ARID1A: variants seen among roughly 807,000 people sequenced by gnomAD.
The protein encoded by ARID1A is AT-rich interactive domain-containing protein 1A.
Under a neutral mutation model 212.6 loss-of-function variants are expected in ARID1A, and 20 were observed. The ratio of observed to expected loss-of-function variants is 0.09; its 90% CI spans 0.07 to 0.14. ARID1A has a LOEUF of 0.14. ARID1A is among the 10% of genes least tolerant of loss of function. The probability of loss-of-function intolerance (pLI) is 1.00; values close to 1 mark genes in which losing one functional copy is unlikely to be tolerated. For synonymous variants in ARID1A, 1,376 were observed against 1,222.1 expected, an observed-to-expected ratio of 1.13 and a Z score of -2.63; for missense variants, 2,587 against 3,059.0, an observed-to-expected ratio of 0.85 and a Z score of 3.64.
At position 26,771,464 on chromosome 1, in the gene ARID1A, A is replaced by G. The variant is rs2081082147; in HGVS notation, c.3406+138A>G. On this transcript the variant is annotated intron_variant, in intron 12 of 19. Coordinates refer to ENST00000324856, the MANE Select transcript of ARID1A (RefSeq NM_006015.6). This position sits in a 1 kb window ranked among gnomAD's most constrained non-coding sequence, Gnocchi z 5.4. Reference sequence around the variant, plus strand: ...CTGCCTTGCCCTACCACAGGGCTTAACAGGTTGGCTGACTAGAGAGTGGGC... The same window carrying G: ...CTGCCTTGCCCTACCACAGGGCTTAGCAGGTTGGCTGACTAGAGAGTGGGC... 6.4e-6 allele frequency: 6 copies of G among 938,544 alleles called. No individual in the cohort carries two copies. The highest frequency in any genetic ancestry group is 2.7e-5 in the Admixed American group (1 of 36,722). The allele number at this position is 938,544 out of a possible 1,614,324, so 58.1% of individuals were successfully genotyped here.
chr1:26,717,737 C>A (rs977553236), intron 1 of ARID1A, among the ~76,000 whole-genome samples: 3 of 151,996 alleles, frequency 2.0e-5, no homozygotes, highest in Non-Finnish European at 2.9e-5. Context: ...GTGATACATG[C>A]TTGGGAGAAA....
chr1:26,773,623 G>T lies in ARID1A; in HGVS notation c.3910G>T (p.Ala1304Ser), dbSNP rs2124112862. The T allele has an allele frequency of 1.2e-6, 2 of 1,614,158 alleles. No homozygotes were observed. The highest frequency in any genetic ancestry group is 1.7e-6 in the Non-Finnish European group (2 of 1,180,016). ...GCCTGAGGGAAACATGAGCACTGGG[G>T]CCCCACAGCCGAATCTCATGCCTTC... ...IGPEGNMSTG[A>S]PQPNLMPSNP... The change falls in exon 16 of 20, where the codon GCC becomes TCC. Residue 1304 changes from alanine to serine, a missense_variant. Around this residue, in one of 11 missense-constraint regions of ARID1A, gnomAD observed 890 missense variants for 1,098.2 expected, o/e 0.81. Coordinates refer to ENST00000324856, the MANE Select transcript of ARID1A (RefSeq NM_006015.6).
chr1:26,741,619 A>G (rs1047188706), intron 4 of ARID1A, among the ~76,000 whole-genome samples: 3 of 152,188 alleles, frequency 2.0e-5, no homozygotes, highest in Non-Finnish European at 4.4e-5. Flanking sequence ...AAGGGACGCT[A>G]TACCCTTGGC....
Position 26,731,414 on chromosome 1 carries a change from A to G in ARID1A, c.1613A>G (p.Gln538Arg). The change falls in exon 3 of 20, where the codon CAG becomes CGG. Residue 538 changes from glutamine to arginine, a missense_variant. Physicochemically the swap from Gln to Arg is conservative, Grantham distance 43. Coordinates refer to ENST00000324856, the MANE Select transcript of ARID1A (RefSeq NM_006015.6). ...QQSPAPYPSQ[Q>R]STTQQHPQSQ... Reference sequence around the variant, plus strand: ...TCCCCGGCTCCATACCCCTCCCAGCAGTCGACGACACAGCAGCACCCCCAG... The same window carrying G: ...TCCCCGGCTCCATACCCCTCCCAGCGGTCGACGACACAGCAGCACCCCCAG... 1 of 1,613,762 alleles carries G rather than the reference A, an allele frequency of 6.2e-7. No individual in the cohort carries two copies. Among genetic ancestry groups the G allele is most frequent in the Non-Finnish European group, 8.5e-7 (1 of 1,179,940 alleles).
chr1:26,740,689 A>G (rs1001710472), intron 4 of ARID1A, among the ~76,000 whole-genome samples: 4 of 152,248 alleles, frequency 2.6e-5, no homozygotes, highest in Admixed American at 2.6e-4. Flanking sequence ...CTAATGTTTT[A>G]CAAAAATGAT....
intron 1 of ARID1A, among the ~76,000 whole-genome samples, chr1:26,713,611 C>T (rs1011561182): frequency 5.3e-5 from 8 of 152,134 alleles, no homozygotes; most frequent in East Asian, 3.9e-4. Flanking sequence ...CTGCCTGCCT[C>T]GGCCTCCCAG....
rs572794512 is a variant in ARID1A at position 26,780,763 on chromosome 1, T to C, written c.*7T>C. The C allele has an allele frequency of 1.9e-6, 3 of 1,549,698 alleles. No homozygotes were observed. Among genetic ancestry groups the C allele is most frequent in the Non-Finnish European group, 2.6e-6 (3 of 1,147,676 alleles). On this transcript the variant is annotated 3_prime_UTR_variant, in exon 20 of 20. Coordinates refer to ENST00000324856, the MANE Select transcript of ARID1A (RefSeq NM_006015.6). The surrounding 1 kb of genome is among the most constrained non-coding windows in gnomAD (Gnocchi z 7.2). ...TTTGATTGGCCAGTCATGACAGCCG[T>C]GGGACACCTCCCCCCCCCGTGTGTG...
rs2124107031 is a variant in ARID1A at position 26,772,865 on chromosome 1, C to G, written c.3593C>G (p.Thr1198Arg). ...GCCTTTAATGATGGAAGTGACTCCACATTCCAGAAGCGGAATTCCATGACT... is the reference window on the plus strand; with the variant it reads ...GCCTTTAATGATGGAAGTGACTCCAGATTCCAGAAGCGGAATTCCATGACT... ...QDAFNDGSDS[T>R]FQKRNSMTPN... Residue 1198 changes from threonine (T) to arginine (R), a missense_variant, in exon 14 of 20, where the codon ACA becomes AGA. Physicochemically the swap from Thr to Arg is moderately conservative, Grantham distance 71. Transcript: ENST00000324856. 3 of 1,614,188 alleles carry G rather than the reference C, an allele frequency of 1.9e-6. No individual in the cohort carries two copies. The highest frequency in any genetic ancestry group is 2.5e-6 in the Non-Finnish European group (3 of 1,180,042).
chr1:26,778,914 C>T, intron 19 of ARID1A, 109 bp from the exon 20 acceptor site: 3 of 1,099,218 alleles, frequency 2.7e-6, no homozygotes, highest in Non-Finnish European at 3.8e-6. Flanking sequence ...AGGAGCAACT[C>T]TGCCTCTCCC....
rs1269113929 is a variant in ARID1A at position 26,697,396 on chromosome 1, C to G, written c.993C>G (p.Asp331Glu). Residue 331 changes from aspartate to glutamate, a missense_variant, in exon 1 of 20, where the codon GAC becomes GAG. Around this residue, in one of 11 missense-constraint regions of ARID1A, gnomAD observed 735 missense variants for 590.6 expected, o/e 1.24. Coordinates refer to ENST00000324856, the MANE Select transcript of ARID1A (RefSeq NM_006015.6). ...QDGGAGKGPA[D>E]MASQCWGAAA... is the part of the protein sequence containing the mutation. Reference sequence around the variant, plus strand: ...GGGGCGCCGGCAAGGGCCCGGCGGACATGGCCTCGCAGTGTTGGGGGGCTG... The same window carrying G: ...GGGGCGCCGGCAAGGGCCCGGCGGAGATGGCCTCGCAGTGTTGGGGGGCTG... 1 of 1,328,090 alleles carries G rather than the reference C, an allele frequency of 7.5e-7. No individual in the cohort carries two copies. Among genetic ancestry groups the G allele is most frequent in the Non-Finnish European group, 9.5e-7 (1 of 1,048,184 alleles). 82.3% of individuals were successfully genotyped at this position (1,328,090 alleles called of 1,614,324 possible).
Position 26,774,885 on chromosome 1 carries a change from C to T in ARID1A, c.4658C>T (p.Pro1553Leu), listed in dbSNP as rs2081118985. ...TGGCCTTCCCATGGCACACGCCAGC[C>T]CCCATATGGTCCCTCTGCCCCTGTG... ...GSWPSHGTRQPPYGPSAPVPP... is the reference protein window; with the variant it reads ...GSWPSHGTRQLPYGPSAPVPP... Residue 1553 changes from proline (P) to leucine (L), a missense_variant, in exon 18 of 20, where the codon CCC becomes CTC. Physicochemically the swap from Pro to Leu is moderately conservative, Grantham distance 98. Transcript: ENST00000324856. This position sits in a 1 kb window ranked among gnomAD's most constrained non-coding sequence, Gnocchi z 5.6. The T allele has an allele frequency of 6.3e-7, 1 of 1,583,986 alleles. No individual in the cohort carries two copies. Among genetic ancestry groups the T allele is most frequent in the South Asian group, 1.2e-5 (1 of 86,518 alleles).
chr1:26,772,453 A>C (rs770798234), intron 12 of ARID1A, 47 bp from the exon 13 acceptor site: 1 of 1,613,150 alleles, frequency 6.2e-7, no homozygotes, highest in Non-Finnish European at 8.5e-7. Flanking sequence ...TGAGAGTTAA[A>C]CACTGTCATG....
At position 26,771,073 on chromosome 1, in the gene ARID1A, A is replaced by G. The variant is rs2124096342; in HGVS notation, c.3199-46A>G. 1 of 1,589,816 alleles carries G rather than the reference A, an allele frequency of 6.3e-7. No homozygotes were observed. The highest frequency in any genetic ancestry group is 1.1e-5 in the South Asian group (1 of 90,514). On this transcript the variant is annotated intron_variant, in intron 11 of 19. Coordinates refer to ENST00000324856, the MANE Select transcript of ARID1A (RefSeq NM_006015.6). This position sits in a 1 kb window ranked among gnomAD's most constrained non-coding sequence, Gnocchi z 5.4. ...GGGGCTTGGGGCTTATGGGCAGGAA[A>G]ACCAGGCGGGAGATATACCTCGACT... is the stretch of plus-strand genomic sequence containing the variant.
chr1:26,771,410 T>A lies in ARID1A; in HGVS notation c.3406+84T>A. ...ATTCAGGATATGAATAAGAGGCTTATCCAACAGGATATGCCAAGGATCTGT... is the reference window on the plus strand; with the variant it reads ...ATTCAGGATATGAATAAGAGGCTTAACCAACAGGATATGCCAAGGATCTGT... On this transcript the variant is annotated intron_variant, in intron 12 of 19. Coordinates refer to ENST00000324856, the MANE Select transcript of ARID1A (RefSeq NM_006015.6). This position sits in a 1 kb window ranked among gnomAD's most constrained non-coding sequence, Gnocchi z 5.4. The A allele has an allele frequency of 7.2e-7, 1 of 1,392,172 alleles. No individual in the cohort carries two copies. Among genetic ancestry groups the A allele is most frequent in the Non-Finnish European group, 1.0e-6 (1 of 1,002,352 alleles). 86.2% of individuals were successfully genotyped at this position (1,392,172 alleles called of 1,614,324 possible).
intron 2 of ARID1A, among the ~76,000 whole-genome samples, chr1:26,730,564 A>C (rs1299609075): frequency 6.6e-6 from 1 of 152,204 alleles, no homozygotes; most frequent in African/African-American, 2.4e-5. Context: ...CCAATAGAGG[A>C]GAGATGAGGT....
At chr1:26,734,858 A>G (rs762425645) in intron 4 of ARID1A, among the ~76,000 whole-genome samples, 4 of 152,100 alleles carry the variant, frequency 2.6e-5, no homozygotes, top group African/African-American at 4.8e-5. Flanking sequence ...TGAGGTACCT[A>G]TTGGCACCAG....
At chr1:26,747,384 T>C (rs2080848542) in intron 4 of ARID1A, among the ~76,000 whole-genome samples, 1 of 152,160 alleles carries the variant, frequency 6.6e-6, no homozygotes, top group South Asian at 2.1e-4. Context: ...TTGTTGAAGG[T>C]GGGAACTAGG....
Position 26,696,370 on chromosome 1 carries a change from G to C in ARID1A, c.-34G>C, listed in dbSNP as rs2080252227. On this transcript the variant is annotated 5_prime_UTR_variant, in exon 1 of 20. Coordinates refer to ENST00000324856, the MANE Select transcript of ARID1A (RefSeq NM_006015.6). ...GAGGGGGGGAGAAGACGAAGACAGGGCCGGGTCTCTCCGCGGACGAGACAG... is the reference window on the plus strand; with the variant it reads ...GAGGGGGGGAGAAGACGAAGACAGGCCCGGGTCTCTCCGCGGACGAGACAG... 6 of 1,236,834 alleles carry C rather than the reference G, an allele frequency of 4.9e-6. No individual in the cohort carries two copies. Among genetic ancestry groups the C allele is most frequent in the African/African-American group, 1.6e-5 (1 of 62,922 alleles). The allele number at this position is 1,236,834 out of a possible 1,614,324, so 76.6% of individuals were successfully genotyped here. A position where few individuals can be genotyped will look rare whatever the true frequency, so the allele number is the denominator to read the frequency against.
intron 4 of ARID1A, among the ~76,000 whole-genome samples, chr1:26,734,299 T>G (rs1381456999): frequency 6.6e-6 from 1 of 152,132 alleles, no homozygotes; most frequent in African/African-American, 2.4e-5. Context: ...CCAAAAAGTT[T>G]TTGCTTGCTT....
Sources: gnomAD v4.1 joint callset for allele counts (sites outside exome capture counted in the v4.1 genomes callset) on GRCh38, gnomAD v4.1.1 for gene constraint, gnomAD v4.1.1 regional missense constraint, Gnocchi (gnomAD v3.1) non-coding constraint, MANE v1.5 for transcripts, NCBI Gene and HGNC (gene_info 2026-07-23, HGNC 2026-07-21) for gene names.